Variants in ZMIZ1 observed in about 807,000 individuals in gnomAD.
ZMIZ1 encodes zinc finger MIZ-type containing 1, also known as zinc finger MIZ domain-containing protein 1.
ZMIZ1 carries 17 observed loss-of-function variants against 113.9 expected under a neutral mutation model. The ratio of observed to expected loss-of-function variants is 0.15; its 90% CI spans 0.10 to 0.22. The LOEUF is 0.22. Ranked by LOEUF, ZMIZ1 falls within the 10% of genes least tolerant of loss-of-function variation. ZMIZ1 has a pLI of 1.00. For synonymous variants in ZMIZ1, 607 were observed against 603.1 expected, an observed-to-expected ratio of 1.01 and a Z score of -0.09; for missense variants, 1,059 against 1,477.8, an observed-to-expected ratio of 0.72 and a Z score of 4.65.
intron 2 of ZMIZ1, among the ~76,000 whole-genome samples, chr10:79,123,623 A>G (rs1363000401): frequency 6.6e-6 from 1 of 152,122 alleles, no homozygotes; most frequent in Non-Finnish European, 1.5e-5. Flanking sequence ...GTTGGGCTGG[A>G]TTTGGATTTC....
chr10:79,103,043 G>C (rs572277209), intron 1 of ZMIZ1, among the ~76,000 whole-genome samples: 1 of 152,150 alleles, frequency 6.6e-6, no homozygotes, highest in Non-Finnish European at 1.5e-5. Context: ...TAGTAATGTC[G>C]AGCGATGTGT....
chr10:79,136,560 CA>C (rs1564672796), intron 2 of ZMIZ1, among the ~76,000 whole-genome samples: 13 of 152,244 alleles, frequency 8.5e-5, no homozygotes, highest in South Asian at 2.1e-4. Context: ...CCCTTCTGGT[CA>C]CTTGAGGGAG....
chr10:79,074,374 A>G (rs1320984483), intron 1 of ZMIZ1, among the ~76,000 whole-genome samples: 2 of 152,196 alleles, frequency 1.3e-5, no homozygotes, highest in Non-Finnish European at 2.9e-5. Flanking sequence ...AGGAAGGGTC[A>G]CAGATGGGCC....
At chr10:79,106,871 C>T (rs554008972) in intron 1 of ZMIZ1, among the ~76,000 whole-genome samples, 1 of 152,364 alleles carries the variant, frequency 6.6e-6, no homozygotes, top group Non-Finnish European at 1.5e-5. Flanking sequence ...CCGAGTGCCC[C>T]AGATTTTCTA....
At chr10:79,106,087 G>T (rs750487752) in intron 1 of ZMIZ1, among the ~76,000 whole-genome samples, 2 of 152,234 alleles carry the variant, frequency 1.3e-5, no homozygotes, top group Non-Finnish European at 2.9e-5. Flanking sequence ...AACCACTCTC[G>T]TGGAGAGTCT....
At chr10:79,255,155 A>G (rs900076874) in intron 7 of ZMIZ1, among the ~76,000 whole-genome samples, 1 of 152,070 alleles carries the variant, frequency 6.6e-6, no homozygotes, top group Non-Finnish European at 1.5e-5. Flanking sequence ...AGCTCCCCTC[A>G]TTCCCCACAG....
At chr10:79,116,956 TG>T (rs1407286279) in intron 1 of ZMIZ1, among the ~76,000 whole-genome samples, 1 of 152,264 alleles carries the variant, frequency 6.6e-6, no homozygotes, top group Non-Finnish European at 1.5e-5. Context: ...CACAATTCTG[TG>T]GTTTGGCTGG....
intron 4 of ZMIZ1, among the ~76,000 whole-genome samples, chr10:79,180,575 G>A (rs1267908556): frequency 1.3e-5 from 2 of 152,174 alleles, no homozygotes; most frequent in African/African-American, 2.4e-5. Flanking sequence ...AAAGGAAGTG[G>A]GCTGCACCCC....
At chr10:79,108,281 G>C (rs1317774499) in intron 1 of ZMIZ1, among the ~76,000 whole-genome samples, 1 of 152,222 alleles carries the variant, frequency 6.6e-6, no homozygotes, top group South Asian at 2.1e-4. Context: ...ACAGACAGGG[G>C]AAGTGAGGCT....
intron 3 of ZMIZ1, among the ~76,000 whole-genome samples, chr10:79,155,073 G>C (rs186817586): frequency 5.3e-5 from 8 of 152,176 alleles, no homozygotes; most frequent in African/African-American, 1.9e-4. Flanking sequence ...CCAGTATCAC[G>C]CAGCTAAGTA....
At chr10:79,199,610 T>A (rs1365808642) in intron 4 of ZMIZ1, among the ~76,000 whole-genome samples, 1 of 152,182 alleles carries the variant, frequency 6.6e-6, no homozygotes, top group Non-Finnish European at 1.5e-5. Context: ...TAGAATGTTA[T>A]TATTTTATGT....
rs775442926 is a variant in ZMIZ1 at position 79,300,906 on chromosome 10, C to T, written c.1983C>T (p.Arg661=). The T allele has an allele frequency of 1.7e-5, 28 of 1,612,460 alleles. No homozygotes were observed. Among genetic ancestry groups the T allele is most frequent in the Non-Finnish European group, 2.2e-5 (26 of 1,179,964 alleles). ...TGAAGCACGTGTGCCAGCCGGGCCG[C>T]AACACCATCCAGATCACCGTCACGG... The part of the protein sequence containing the change: ...LHLKHVCQPG[R]NTIQITVTAC... Residue 661 remains arginine, a synonymous_variant, in exon 17 of 25, where the codon CGC becomes CGT. Coordinates refer to ENST00000334512, the MANE Select transcript of ZMIZ1 (RefSeq NM_020338.4).
At chr10:79,097,221 G>T (rs1469485321) in intron 1 of ZMIZ1, among the ~76,000 whole-genome samples, 1 of 152,218 alleles carries the variant, frequency 6.6e-6, no homozygotes, top group African/African-American at 2.4e-5. Context: ...AGAGGCACAT[G>T]ACACATGACA....
intron 7 of ZMIZ1, among the ~76,000 whole-genome samples, chr10:79,222,753 C>T (rs1309287686): frequency 6.6e-6 from 1 of 152,084 alleles, no homozygotes; most frequent in Non-Finnish European, 1.5e-5. Flanking sequence ...CTGGAGCTCT[C>T]GATCCCAGGG....
chr10:79,287,725 C>G (rs760231451), intron 8 of ZMIZ1, among the ~76,000 whole-genome samples: 12 of 152,218 alleles, frequency 7.9e-5, no homozygotes, highest in Non-Finnish European at 1.3e-4. Context: ...GATGTCATCA[C>G]CTGCTCAGAT....
At chr10:79,235,817 G>T (rs1241080006) in intron 7 of ZMIZ1, among the ~76,000 whole-genome samples, 1 of 152,174 alleles carries the variant, frequency 6.6e-6, no homozygotes, top group Non-Finnish European at 1.5e-5. Context: ...CTAGCACTTT[G>T]CAGTTTGCAG....
At chr10:79,182,291 G>A (rs1847154237) in intron 4 of ZMIZ1, among the ~76,000 whole-genome samples, 1 of 152,246 alleles carries the variant, frequency 6.6e-6, no homozygotes, top group African/African-American at 2.4e-5. Context: ...GGACAGCCAA[G>A]TCTGGGCTGC....
intron 14 of ZMIZ1, 50 bp from the exon 15 acceptor site, chr10:79,298,355 CT>C (rs1164771304): frequency 6.3e-7 from 1 of 1,574,804 alleles, no homozygotes; most frequent in Non-Finnish European, 8.6e-7. Context: ...GCCATGGCCC[CT>C]TCTGTCTCCG....
chr10:79,172,350 G>A (rs1846636777), intron 4 of ZMIZ1, among the ~76,000 whole-genome samples: 1 of 152,192 alleles, frequency 6.6e-6, no homozygotes, highest in Non-Finnish European at 1.5e-5. Flanking sequence ...TTCTAGGACA[G>A]GAGGAAAATG....
Sources: allele counts gnomAD v4.1 joint callset (sites outside exome capture counted in the v4.1 genomes callset), GRCh38; gene constraint gnomAD v4.1.1; transcripts MANE v1.5; gene names NCBI Gene and HGNC (gene_info 2026-07-23, HGNC 2026-07-21).